Variants in CCSER1 observed in about 807,000 individuals in gnomAD.
The protein encoded by CCSER1 is serine-rich coiled-coil domain-containing protein 1.
CCSER1 carries 41 observed loss-of-function variants against 82.0 expected under a neutral mutation model. The observed-to-expected ratio is 0.50, with a 90% confidence interval of 0.39 to 0.65. The LOEUF (loss-of-function observed/expected upper bound fraction) is 0.65. Ranked by LOEUF, CCSER1 falls within the 30% of genes least tolerant of loss-of-function variation. The pLI is 0.00. For synonymous variants in CCSER1, 414 were observed against 383.9 expected (o/e 1.08, Z -0.92); for missense variants, 1,119 against 1,064.2 (o/e 1.05, Z -0.72).
chr4:90,886,308 A>C (rs1190612884), intron 8 of CCSER1, among the ~76,000 whole-genome samples: 2 of 152,004 alleles, frequency 1.3e-5, no homozygotes, highest in Non-Finnish European at 1.5e-5. Flanking sequence ...TTTTAATTCC[A>C]TCTTTCAGGC....
intron 10 of CCSER1, among the ~76,000 whole-genome samples, chr4:91,510,793 C>G (rs1353804797): frequency 6.6e-6 from 1 of 152,108 alleles, no homozygotes; most frequent in Non-Finnish European, 1.5e-5. Context: ...GTACTTTTTG[C>G]TATGCAAAAG....
intron 10 of CCSER1, among the ~76,000 whole-genome samples, chr4:91,566,862 A>C (rs1762908884): frequency 6.6e-6 from 1 of 151,778 alleles, no homozygotes. Flanking sequence ...TGATCTTTTG[A>C]ATGGTTTTTC....
intron 10 of CCSER1, among the ~76,000 whole-genome samples, chr4:91,149,754 G>GT (rs756356199): frequency 6.8e-4 from 104 of 152,134 alleles, no homozygotes; most frequent in Non-Finnish European, 1.1e-3. Context: ...CCCATTTCTT[G>GT]TTTTTGTCAG....
chr4:90,791,075 G>A (rs1463171493), intron 7 of CCSER1, among the ~76,000 whole-genome samples: 1 of 152,156 alleles, frequency 6.6e-6, no homozygotes, highest in Non-Finnish European at 1.5e-5. Context: ...AGGCATGGCA[G>A]AAAGCACCTC....
chr4:91,091,444 G>T (rs539134648), intron 10 of CCSER1, among the ~76,000 whole-genome samples: 1 of 152,176 alleles, frequency 6.6e-6, no homozygotes, highest in East Asian at 1.9e-4. Context: ...TTGTCTTAAC[G>T]TGTTGTCCTA....
chr4:91,380,621 A>C (rs1363845453), intron 10 of CCSER1, among the ~76,000 whole-genome samples: 1 of 151,692 alleles, frequency 6.6e-6, no homozygotes, highest in African/African-American at 2.4e-5. Flanking sequence ...CCTTCCCTTT[A>C]TTTTGAGCCT....
rs1760151311 is a variant in CCSER1, at chr4:91,516,845, GT to G, written c.2218-81723del. 2.0e-5 allele frequency among the ~76,000 whole-genome samples: 3 copies of G among 152,016 alleles called. No individual in the cohort carries two copies. The South Asian group carries it at 6.2e-4, about 32-fold the overall frequency. On this transcript the variant is annotated intron_variant, in intron 10 of 10. Coordinates refer to ENST00000509176, the MANE Select transcript of CCSER1 (RefSeq NM_001145065.2). ...TTCTTCCTATTTATGAGCATGGAGT[GT>G]TTTCCCATTTGTTTGTGTCATCTCT...
chr4:90,477,360 A>G (rs955477769), intron 5 of CCSER1, among the ~76,000 whole-genome samples: 1 of 152,200 alleles, frequency 6.6e-6, no homozygotes, highest in Non-Finnish European at 1.5e-5. Flanking sequence ...GTATTCTTAT[A>G]TATATAATAA....
intron 10 of CCSER1, among the ~76,000 whole-genome samples, chr4:91,301,804 C>T (rs2149239761): frequency 6.6e-6 from 1 of 151,882 alleles, no homozygotes; most frequent in South Asian, 2.1e-4. Flanking sequence ...GTAAATTAAG[C>T]CACCAACAAT....
chr4:91,158,304 T>G (rs1731024478), intron 10 of CCSER1, among the ~76,000 whole-genome samples: 1 of 151,956 alleles, frequency 6.6e-6, no homozygotes, highest in Admixed American at 6.6e-5. Flanking sequence ...TTCATGAGGG[T>G]TATTCTTGTT....
intron 6 of CCSER1, among the ~76,000 whole-genome samples, chr4:90,659,084 C>CTTTTT (rs3042301): frequency 1.4e-5 from 2 of 138,094 alleles, no homozygotes; most frequent in East Asian, 2.1e-4. Context: ...TATGAGAGGG[C>CTTTTT]TTTTTTTTTT....
intron 10 of CCSER1, among the ~76,000 whole-genome samples, chr4:91,215,442 G>A (rs1247274167): frequency 2.0e-5 from 3 of 152,150 alleles, no homozygotes; most frequent in Non-Finnish European, 4.4e-5. Flanking sequence ...ATCACAAGGT[G>A]AGGTCCCACA....
chr4:91,349,497 A>C (rs1478010338), intron 10 of CCSER1, among the ~76,000 whole-genome samples: 1 of 152,096 alleles, frequency 6.6e-6, no homozygotes, highest in Non-Finnish European at 1.5e-5. Context: ...GAGCCTGTGC[A>C]CCTTATAGAA....
intron 8 of CCSER1, among the ~76,000 whole-genome samples, chr4:90,837,115 GA>G (rs1761899212): frequency 6.6e-6 from 1 of 151,866 alleles, no homozygotes. Context: ...CAAAAATAAG[GA>G]AAAACAGTAT....
chr4:90,175,859 GAA>G (rs1732569460), intron 1 of CCSER1, among the ~76,000 whole-genome samples: 1 of 151,874 alleles, frequency 6.6e-6, no homozygotes, highest in African/African-American at 2.4e-5. Flanking sequence ...GTGTGAGAGA[GAA>G]ATAGAGAATT....
At chr4:90,916,802 C>T (rs1274326388) in intron 8 of CCSER1, among the ~76,000 whole-genome samples, 5 of 151,900 alleles carry the variant, frequency 3.3e-5, no homozygotes, top group Admixed American at 6.6e-5. Context: ...ACAAAGAACT[C>T]AAACAAATTT....
chr4:90,293,693 A>G (rs1347874760), intron 1 of CCSER1, among the ~76,000 whole-genome samples: 1 of 151,456 alleles, frequency 6.6e-6, no homozygotes, highest in Non-Finnish European at 1.5e-5. Flanking sequence ...AAAATAAAAA[A>G]TTTAAGGCAA....
chr4:90,826,944 T>TG lies in CCSER1; in HGVS notation c.2094+11105dup, dbSNP rs1053537298. Among the ~76,000 whole-genome samples, 7 of 152,170 alleles carry TG rather than the reference T, an allele frequency of 4.6e-5. No homozygotes were observed. The East Asian group carries it at 1.4e-3, about 29-fold the overall frequency. On this transcript the variant is annotated intron_variant, in intron 8 of 10. Transcript: ENST00000509176. Reference sequence around the variant, plus strand: ...ACTGGCAAAGCCGGTCCCCCAGAAGTGGGGGGTCTTTCCCCGTTCAGTGTT... The same window carrying TG: ...ACTGGCAAAGCCGGTCCCCCAGAAGTGGGGGGGTCTTTCCCCGTTCAGTGTT...
At chr4:91,482,936 G>A (rs982692461) in intron 10 of CCSER1, among the ~76,000 whole-genome samples, 21 of 152,016 alleles carry the variant, frequency 1.4e-4, no homozygotes, top group Non-Finnish European at 2.5e-4. Flanking sequence ...ACACACCAGG[G>A]CCTGTTGTGG....
Sources: gnomAD v4.1 joint callset for allele counts (sites outside exome capture counted in the v4.1 genomes callset) on GRCh38, gnomAD v4.1.1 for gene constraint, MANE v1.5 for transcripts, NCBI Gene and HGNC (gene_info 2026-07-23, HGNC 2026-07-21) for gene names.